The following NT5C1B variants were observed in gnomAD, a reference collection of about 807,000 sequenced individuals.
The protein encoded by NT5C1B is cytosolic 5'-nucleotidase 1B.
Under a neutral mutation model 57.8 loss-of-function variants are expected in NT5C1B, and 44 were observed. That is an observed-to-expected ratio of 0.76 (90% CI 0.60 to 0.98). NT5C1B has a LOEUF of 0.98. Ranked by LOEUF, NT5C1B falls within the 50% of genes least tolerant of loss-of-function variation. The pLI is 0.00. For synonymous variants in NT5C1B, 284 were observed against 282.6 expected, an observed-to-expected ratio of 1.00 and a Z score of -0.05; for missense variants, 742 against 719.5, an observed-to-expected ratio of 1.03 and a Z score of -0.36.
chr2:18,576,977 A>G, intron 6 of NT5C1B, 82 bp from the exon 7 acceptor site: 1 of 1,583,466 alleles, frequency 6.3e-7, no homozygotes, highest in Non-Finnish European at 8.5e-7. Flanking sequence ...TACCTTAGAG[A>G]TAACTGAGTT....
exon 3 of NT5C1B, chr2:18,586,283 C>T: frequency 6.2e-7 from 1 of 1,614,160 alleles, no homozygotes; most frequent in Non-Finnish European, 8.5e-7. Context: ...CTTCTAGGCT[C>T]ATCTATGGAT....
intron 8 of NT5C1B, among the ~76,000 whole-genome samples, chr2:18,574,543 C>T (rs532143371): frequency 6.6e-6 from 1 of 152,184 alleles, no homozygotes; most frequent in East Asian, 1.9e-4. Context: ...GCATTTACTA[C>T]AGCATTATTC....
intron 7 of NT5C1B, 88 bp from the exon 8 acceptor site, chr2:18,576,456 T>G (rs1665688138): frequency 6.8e-7 from 1 of 1,469,284 alleles, no homozygotes; most frequent in African/African-American, 1.4e-5. Flanking sequence ...CTCCCAGACC[T>G]TATGTTTTCT....
rs1441632786 is a variant in NT5C1B at position 18,568,086 on chromosome 2, G to GAACACA, written c.1330-3968_1330-3967insTGTGTT. On this transcript the variant is annotated intron_variant, in intron 8 of 8. Transcript: ENST00000304081. ...AAGAGCAGAGCATTGAAATGCTGTG[G>GAACACA]GACACACACACACACACACACACAC... Among the ~76,000 whole-genome samples, 10 of 46,336 alleles carry GAACACA rather than the reference G, an allele frequency of 2.2e-4. 1 individual carries two copies. Among genetic ancestry groups the GAACACA allele is most frequent in the Non-Finnish European group, 3.6e-4 (8 of 22,336 alleles). 30.4% of individuals were successfully genotyped at this position (46,336 alleles called of 152,430 possible).
intron 6 of NT5C1B, among the ~76,000 whole-genome samples, chr2:18,580,373 G>A (rs1361168739): frequency 6.6e-6 from 1 of 152,220 alleles, no homozygotes; most frequent in African/African-American, 2.4e-5. Context: ...CAGCAGTTTG[G>A]GAGGCCAAGG....
At chr2:18,576,749 A>G (rs1165549596) in intron 7 of NT5C1B, 24 bp downstream of exon 7, 1 of 1,611,940 alleles carries the variant, frequency 6.2e-7, no homozygotes, top group African/African-American at 1.3e-5. Flanking sequence ...TTTATTAACT[A>G]GAGGAATAAA....
intron 5 of NT5C1B, among the ~76,000 whole-genome samples, 177 bp from the exon 6 acceptor site, chr2:18,583,174 T>C (rs1429566887): frequency 2.0e-5 from 3 of 152,178 alleles, no homozygotes; most frequent in African/African-American, 7.2e-5. Flanking sequence ...AACCTCTCAT[T>C]CATAGGAACT....
chr2:18,583,042 G>T (rs1352503099), intron 5 of NT5C1B, 45 bp from the exon 6 acceptor site: 1 of 1,592,832 alleles, frequency 6.3e-7, no homozygotes, highest in Non-Finnish European at 8.6e-7. Flanking sequence ...GGCAGGCAGG[G>T]TGGATCTGGG....
intron 8 of NT5C1B, among the ~76,000 whole-genome samples, chr2:18,568,603 A>G (rs1463621531): frequency 6.6e-6 from 1 of 152,220 alleles, no homozygotes; most frequent in Admixed American, 6.5e-5. Flanking sequence ...CCAAAAACAG[A>G]AATAGTAGTG....
exon 9 of NT5C1B, chr2:18,563,949 G>A (rs772615000): frequency 7.4e-6 from 12 of 1,614,064 alleles, no homozygotes; most frequent in Middle Eastern, 1.6e-4. Context: ...AAAGAGCTTC[G>A]TCTATCTCTA....
chr2:18,589,424 A>G lies in NT5C1B; in HGVS notation c.30+15T>C. On this transcript the variant is annotated intron_variant, in intron 1 of 8. Transcript: ENST00000304081. ...CAGCCCCATGGCAAGATTCTAAGAC[A>G]CTCGGTTCACTCACCTTTTTCTGTT... 6.2e-7 allele frequency: 1 copy of G among 1,613,946 alleles called. No homozygotes were observed. Among genetic ancestry groups the G allele is most frequent in the African/African-American group, 1.3e-5 (1 of 75,008 alleles).
At chr2:18,563,018 G>A (rs545014822) in exon 9 of NT5C1B, 11 of 150,804 alleles carry the variant, frequency 7.3e-5, no homozygotes, top group African/African-American at 2.7e-4. Flanking sequence ...ACAATGAAGG[G>A]CCAGGATACT....
At position 18,563,670 on chromosome 2, in the gene NT5C1B, A is replaced by G. The variant is rs1266436722; in HGVS notation, c.*126T>C. ...AGGTTTTCCAAAAAATCAGGAGAAAACCTTTCCAAAGAAGCAAAGTTTTAA... is the reference window on the plus strand; with the variant it reads ...AGGTTTTCCAAAAAATCAGGAGAAAGCCTTTCCAAAGAAGCAAAGTTTTAA... On this transcript the variant is annotated 3_prime_UTR_variant, in exon 9 of 9. Coordinates refer to ENST00000304081, the Ensembl canonical transcript of NT5C1B. 4 of 1,106,940 alleles carry G rather than the reference A, an allele frequency of 3.6e-6. No individual in the cohort carries two copies. The African/African-American group carries it at 6.3e-5, about 17-fold the overall frequency. 68.6% of individuals were successfully genotyped at this position (1,106,940 alleles called of 1,614,324 possible).
chr2:18,584,856 C>T lies in NT5C1B; in HGVS notation c.381G>A (p.Arg127=). Residue 127 remains arginine (R), a synonymous_variant, in exon 4 of 9, where the codon CGG becomes CGA. Coordinates refer to ENST00000304081, the Ensembl canonical transcript of NT5C1B. The surrounding 1 kb of genome is among the most constrained non-coding windows in gnomAD (Gnocchi z 5.8). ...GCGTGGGAGGCCGCGAGTCCAGCGACCGGGGCAGCTGGGGCGACGCGGGTG... is the reference window on the plus strand; with the variant it reads ...GCGTGGGAGGCCGCGAGTCCAGCGATCGGGGCAGCTGGGGCGACGCGGGTG... 6.2e-7 allele frequency: 1 copy of T among 1,606,334 alleles called. No homozygotes were observed. Among genetic ancestry groups the T allele is most frequent in the African/African-American group, 1.3e-5 (1 of 74,908 alleles).
In NT5C1B at chr2:18,575,368, A is replaced by G. The variant is rs562530719; in HGVS notation, c.1329+816T>C. Among the ~76,000 whole-genome samples, 4 of 152,230 alleles carry G rather than the reference A, an allele frequency of 2.6e-5. No individual in the cohort carries two copies. The East Asian group carries it at 7.7e-4, about 29-fold the overall frequency. ...TTTAATGAGAGGTGACTAAGTAGAA[A>G]AACTTTTCAACTTTCAATTAGTCTA... On this transcript the variant is annotated intron_variant, in intron 8 of 8. Transcript: ENST00000304081.
intron 3 of NT5C1B, among the ~76,000 whole-genome samples, chr2:18,585,519 T>C (rs897965804): frequency 6.6e-6 from 1 of 152,164 alleles, no homozygotes; most frequent in African/African-American, 2.4e-5. Context: ...GGAAAGTCTC[T>C]TGTCTGGAGA....
chr2:18,571,718 G>GTGTATATATATA (rs1246189018), intron 8 of NT5C1B, among the ~76,000 whole-genome samples: 3 of 111,470 alleles, frequency 2.7e-5, no homozygotes, highest in East Asian at 3.4e-4. Context: ...CTGTGTGTGT[G>GTGTATATATATA]TATATATATA....
chr2:18,576,652 GA>G, intron 7 of NT5C1B, 120 bp downstream of exon 7: 2 of 1,500,250 alleles, frequency 1.3e-6, no homozygotes, highest in Non-Finnish European at 1.8e-6. Context: ...GCCCCATGTG[GA>G]AAAACTTCAG....
chr2:18,584,325 G>A lies in NT5C1B; in HGVS notation c.724-70C>T. 6.3e-7 allele frequency: 1 copy of A among 1,577,774 alleles called. No individual in the cohort carries two copies. Among genetic ancestry groups the A allele is most frequent in the Non-Finnish European group, 8.6e-7 (1 of 1,161,902 alleles). On this transcript the variant is annotated intron_variant, in intron 4 of 8. Coordinates refer to ENST00000304081, the Ensembl canonical transcript of NT5C1B. This position sits in a 1 kb window ranked among gnomAD's most constrained non-coding sequence, Gnocchi z 5.8. ...AGAGGACAGGGTTGGGGCTCCTCCA[G>A]GGTAGGGTGAGAGTAGGACAGCGGG...
Sources: allele counts gnomAD v4.1 joint callset (sites outside exome capture counted in the v4.1 genomes callset), GRCh38; gene constraint gnomAD v4.1.1; non-coding constraint Gnocchi (gnomAD v3.1); transcripts MANE v1.5; gene names NCBI Gene and HGNC (gene_info 2026-07-23, HGNC 2026-07-21).